SMURF2: variants seen among roughly 807,000 people sequenced by gnomAD.
SMURF2 encodes E3 ubiquitin-protein ligase SMURF2.
In SMURF2, 48 loss-of-function variants were observed where a neutral mutation model predicts 109.6. The ratio of observed to expected loss-of-function variants is 0.44; its 90% CI spans 0.35 to 0.56. The LOEUF (loss-of-function observed/expected upper bound fraction) is 0.56, where lower values mean the gene tolerates loss of function less well. Among genes scored for constraint, SMURF2 ranks in the 20% least tolerant of loss-of-function variants. SMURF2 has a pLI of 0.01. For synonymous variants in SMURF2, 288 were observed against 317.1 expected (o/e 0.91, Z 0.97); for missense variants, 575 against 909.0 (o/e 0.63, Z 4.72).
intron 2 of SMURF2, among the ~76,000 whole-genome samples, chr17:64,605,151 G>A (rs1384772078): frequency 1.3e-5 from 2 of 151,946 alleles, no homozygotes; most frequent in Non-Finnish European, 2.9e-5. Context: ...AGTGATTGGA[G>A]GCAACAGGGA....
At chr17:64,563,138 G>T in intron 10 of SMURF2, 172 bp from the exon 11 acceptor site, 1 of 538,108 alleles carries the variant, frequency 1.9e-6, no homozygotes, top group Non-Finnish European at 3.2e-6. Context: ...CAGCTACAAA[G>T]TTTATTTCTC....
At chr17:64,637,919 T>C (rs28820320) in intron 1 of SMURF2, among the ~76,000 whole-genome samples, 4,892 of 112,656 alleles carry the variant, frequency 0.043, 162 homozygotes, top group African/African-American at 0.14. Flanking sequence ...TTTGGCGCCC[T>C]AGTCAAAAAA....
At position 64,587,521 on chromosome 17, in the gene SMURF2, A is replaced by C. The variant is rs138347204; in HGVS notation, c.401-1351T>G. Among the ~76,000 whole-genome samples, 15 of 152,314 alleles carry C rather than the reference A, an allele frequency of 9.8e-5. No individual in the cohort carries two copies. In the East Asian group the frequency reaches 2.9e-3, roughly 29 times the overall value. ...AATTCTAGTTCTGGTAACTCTCCCA[A>C]AAGACAGAAGGAGGTGTAGTCAAAC... is the stretch of plus-strand genomic sequence containing the variant. On this transcript the variant is annotated intron_variant, in intron 5 of 18. Coordinates refer to ENST00000262435, the MANE Select transcript of SMURF2 (RefSeq NM_022739.4).
Position 64,606,651 on chromosome 17 carries a change from A to AG in SMURF2, c.53-12_53-11insC. 6.6e-7 allele frequency: 1 copy of AG among 1,515,520 alleles called. No homozygotes were observed. Among genetic ancestry groups the AG allele is most frequent in the Non-Finnish European group, 8.9e-7 (1 of 1,123,704 alleles). The allele number at this position is 1,515,520 out of a possible 1,614,324, so 93.9% of individuals were successfully genotyped here. A position where few individuals can be genotyped will look rare whatever the true frequency, so the allele number is the denominator to read the frequency against. ...TTTTTGCACAGAGTACTGTAAAAAA[A>AG]AAAAACAAAAAATACATGGGAAAAA... On this transcript the variant is annotated splice_polypyrimidine_tract_variant and intron_variant, in intron 1 of 18. Transcript: ENST00000262435.
chr17:64,566,571 T>TTTTTG, intron 10 of SMURF2, among the ~76,000 whole-genome samples: 1 of 91,836 alleles, frequency 1.1e-5, no homozygotes, highest in African/African-American at 3.7e-5. Context: ...GTTTTTTTTT[T>TTTTTG]TTTTTTTTTT....
At chr17:64,576,942 G>A (rs926109038) in intron 9 of SMURF2, among the ~76,000 whole-genome samples, 4 of 126,478 alleles carry the variant, frequency 3.2e-5, no homozygotes, top group Non-Finnish European at 6.3e-5. Flanking sequence ...GTGCAGTGGT[G>A]TGATCTCAGC....
intron 2 of SMURF2, 94 bp downstream of exon 2, chr17:64,606,508 T>A: frequency 1.1e-6 from 1 of 899,836 alleles, no homozygotes; most frequent in Non-Finnish European, 1.7e-6. Flanking sequence ...TGACAATACT[T>A]CTGAATAGAG....
At chr17:64,587,532 G>C (rs1301147143) in intron 5 of SMURF2, among the ~76,000 whole-genome samples, 1 of 152,206 alleles carries the variant, frequency 6.6e-6, no homozygotes, top group Admixed American at 6.5e-5. Flanking sequence ...AAGACAGAAG[G>C]AGGTGTAGTC....
Position 64,542,541 on chromosome 17 carries a change from C to T in SMURF2, c.*3307G>A, listed in dbSNP as rs1968888540. 6.6e-6 allele frequency: 1 copy of T among 152,042 alleles called. No individual in the cohort carries two copies. The highest frequency in any genetic ancestry group is 1.5e-5 in the Non-Finnish European group (1 of 68,010). 9.4% of individuals were successfully genotyped at this position (152,042 alleles called of 1,614,324 possible). On this transcript the variant is annotated 3_prime_UTR_variant, in exon 19 of 19. Transcript: ENST00000262435. Reference sequence around the variant, plus strand: ...AATATTACATAAAGTGAACTAATTACATCTAGAAATAAAACAACTCAGCAT... The same window carrying T: ...AATATTACATAAAGTGAACTAATTATATCTAGAAATAAAACAACTCAGCAT...
chr17:64,613,672 CAG>C lies in SMURF2; in HGVS notation c.53-7034_53-7033del, dbSNP rs59902451. On this transcript the variant is annotated intron_variant, in intron 1 of 18. Coordinates refer to ENST00000262435, the MANE Select transcript of SMURF2 (RefSeq NM_022739.4). ...CATGGAAGACAAGTTTTCCACGGAC[CAG>C]TGTGTGTGTGTGTGTGTGTGTGTGT... is the stretch of plus-strand genomic sequence containing the variant. Among the ~76,000 whole-genome samples, 269 of 53,722 alleles carry C rather than the reference CAG, an allele frequency of 5.0e-3. 8 individuals are homozygous for C. Among genetic ancestry groups the C allele is most frequent in the African/African-American group, 0.016 (218 of 13,520 alleles). The allele number at this position is 53,722 out of a possible 152,430, so 35.2% of individuals were successfully genotyped here. A position where few individuals can be genotyped will look rare whatever the true frequency, so the allele number is the denominator to read the frequency against.
Position 64,661,903 on chromosome 17 carries a change from G to A in SMURF2, c.-23C>T, listed in dbSNP as rs1970785489. 8.4e-7 allele frequency: 1 copy of A among 1,186,600 alleles called. No individual in the cohort carries two copies. The highest frequency in any genetic ancestry group is 1.6e-5 in the African/African-American group (1 of 62,396). 73.5% of individuals were successfully genotyped at this position (1,186,600 alleles called of 1,614,324 possible). On this transcript the variant is annotated 5_prime_UTR_variant, in exon 1 of 19. Transcript: ENST00000262435. ...CATGTCCCCGGCGGCGGGGGCGGCG[G>A]GGGCGGCGGGCGGCACGGGGGCGAC...
At chr17:64,546,453 T>C in intron 17 of SMURF2, 115 bp from the exon 18 acceptor site, 1 of 829,550 alleles carries the variant, frequency 1.2e-6, no homozygotes, top group Non-Finnish European at 1.9e-6. Flanking sequence ...GGAATGCTAA[T>C]GAATCCACAC....
chr17:64,569,337 C>G (rs1219959328), intron 10 of SMURF2, among the ~76,000 whole-genome samples: 2 of 151,156 alleles, frequency 1.3e-5, no homozygotes, highest in Non-Finnish European at 2.9e-5. Context: ...GTAAAGTCCA[C>G]ATGGATTAAA....
chr17:64,563,093 T>C, intron 10 of SMURF2, 127 bp from the exon 11 acceptor site: 4 of 806,592 alleles, frequency 5.0e-6, no homozygotes, highest in Non-Finnish European at 7.3e-6. Context: ...TAGTAGAACA[T>C]ATACTTGGCT....
At chr17:64,605,187 G>C (rs985688192) in intron 2 of SMURF2, among the ~76,000 whole-genome samples, 1 of 152,042 alleles carries the variant, frequency 6.6e-6, no homozygotes, top group Non-Finnish European at 1.5e-5. Flanking sequence ...GTGGCCATTG[G>C]GACCTTCCAC....
rs1555684642 is a variant in SMURF2, at chr17:64,562,805, C to G, written c.1178G>C (p.Cys393Ser). 2 of 1,614,154 alleles carry G rather than the reference C, an allele frequency of 1.2e-6. No homozygotes were observed. The highest frequency in any genetic ancestry group is 3.3e-5 in the Admixed American group (2 of 60,018). The change falls in exon 11 of 19, where the codon TGC becomes TCC. Residue 393 changes from cysteine to serine, a missense_variant. Cys to Ser is a moderately radical substitution (Grantham distance 112). Coordinates refer to ENST00000262435, the MANE Select transcript of SMURF2 (RefSeq NM_022739.4). ...CTCTTCCCTGGAAACCTCAATGCGG[C>G]AATGACCTGCCTGAGGCTGTTGTTG... is the stretch of plus-strand genomic sequence containing the variant. Reference protein sequence around the residue: ...LSQQQPQAGHCRIEVSREEIF... With the variant: ...LSQQQPQAGHSRIEVSREEIF...
chr17:64,569,427 AT>A (rs1555685386), intron 10 of SMURF2, among the ~76,000 whole-genome samples: 5 of 152,200 alleles, frequency 3.3e-5, no homozygotes, highest in Admixed American at 1.3e-4. Context: ...TAAAGATTAC[AT>A]TAGAAAAATA....
chr17:64,552,484 C>T (rs868976017), intron 15 of SMURF2, among the ~76,000 whole-genome samples: 4 of 151,966 alleles, frequency 2.6e-5, no homozygotes, highest in Non-Finnish European at 5.9e-5. Flanking sequence ...TTTGGAGGAC[C>T]GTATTTTTGT....
At chr17:64,653,706 A>G (rs1436198912) in intron 1 of SMURF2, among the ~76,000 whole-genome samples, 4 of 152,146 alleles carry the variant, frequency 2.6e-5, no homozygotes, top group African/African-American at 4.8e-5. Context: ...GCAGATTTTT[A>G]AAAAGTTAAA....
Sources: gnomAD v4.1 joint callset for allele counts (sites outside exome capture counted in the v4.1 genomes callset) on GRCh38, gnomAD v4.1.1 for gene constraint, MANE v1.5 for transcripts, NCBI Gene and HGNC (gene_info 2026-07-23, HGNC 2026-07-21) for gene names.